Variants in DCC observed in about 807,000 individuals in gnomAD.
DCC encodes DCC netrin 1 receptor.
A neutral mutation model predicts 172.5 loss-of-function variants in DCC; 58 were observed. The ratio of observed to expected loss-of-function variants is 0.34; its 90% confidence interval spans 0.27 to 0.42. The LOEUF is 0.42. Among genes scored for constraint, DCC ranks in the 10% least tolerant of loss-of-function variants. The pLI, the probability that DCC is intolerant of heterozygous loss-of-function variation, is 1.00. For missense variants in DCC, 1,740 were observed against 1,791.0 expected, an observed-to-expected ratio of 0.97 and a Z score of 0.51; for synonymous variants, 709 against 644.5, an observed-to-expected ratio of 1.10 and a Z score of -1.52.
At chr18:52,901,901 T>C (rs2039814782) in intron 2 of DCC, among the ~76,000 whole-genome samples, 1 of 152,248 alleles carries the variant, frequency 6.6e-6, no homozygotes, top group South Asian at 2.1e-4. Flanking sequence ...CTTTTATTTA[T>C]ACACTTAACT....
chr18:52,991,580 C>T (rs2041392835), intron 5 of DCC, among the ~76,000 whole-genome samples: 1 of 152,204 alleles, frequency 6.6e-6, no homozygotes. Flanking sequence ...TCTCTCTCTA[C>T]ATGATTTCAC....
At position 52,545,175 on chromosome 18, in the gene DCC, G is replaced by C. The variant is rs147193577; in HGVS notation, c.91+204297G>C. On this transcript the variant is annotated intron_variant, in intron 1 of 28. Coordinates refer to ENST00000442544, the MANE Select transcript of DCC (RefSeq NM_005215.4). The stretch of plus-strand genomic sequence containing the variant: ...TATACCTTGGGGAAGAGTTGCTTTT[G>C]GGATTTAGTTTATCAGGATATGTGA... 3.3e-5 allele frequency among the ~76,000 whole-genome samples: 5 copies of C among 152,290 alleles called. No homozygotes were observed. The East Asian group carries it at 9.7e-4, about 29-fold the overall frequency.
chr18:53,088,469 G>A (rs538114465), intron 7 of DCC, among the ~76,000 whole-genome samples: 14 of 152,162 alleles, frequency 9.2e-5, no homozygotes, highest in Non-Finnish European at 1.9e-4. Flanking sequence ...CTGAGACTTT[G>A]CTGAAGTTGC....
chr18:52,572,287 G>A (rs1024166925), intron 1 of DCC, among the ~76,000 whole-genome samples: 12 of 152,182 alleles, frequency 7.9e-5, no homozygotes, highest in African/African-American at 2.9e-4. Context: ...GACACTGTGG[G>A]CTACAGAATC....
chr18:52,406,890 T>C (rs1405815056), intron 1 of DCC, among the ~76,000 whole-genome samples: 3 of 152,048 alleles, frequency 2.0e-5, no homozygotes, highest in East Asian at 3.9e-4. Context: ...AATAAACCCA[T>C]GTGTGAGTCT....
chr18:52,939,007 T>C lies in DCC; in HGVS notation c.985+13637T>C, dbSNP rs911053245. 3.9e-5 allele frequency among the ~76,000 whole-genome samples: 6 copies of C among 152,186 alleles called. No individual in the cohort carries two copies. The East Asian group carries it at 9.6e-4, about 24-fold the overall frequency. ...GAAGAGGTTAATCATGGGATGCACCTTCGTAGAAACTCTCAAGGGACTTCC... is the reference window on the plus strand; with the variant it reads ...GAAGAGGTTAATCATGGGATGCACCCTCGTAGAAACTCTCAAGGGACTTCC... On this transcript the variant is annotated intron_variant, in intron 5 of 28. Coordinates refer to ENST00000442544, the MANE Select transcript of DCC (RefSeq NM_005215.4).
chr18:53,296,588 C>T (rs540769770), intron 12 of DCC, among the ~76,000 whole-genome samples: 2 of 152,164 alleles, frequency 1.3e-5, no homozygotes, highest in South Asian at 4.1e-4. Context: ...TTAGCTATGG[C>T]AATATTCTGG....
At chr18:53,137,981 A>G (rs1200184841) in intron 7 of DCC, among the ~76,000 whole-genome samples, 1 of 146,690 alleles carries the variant, frequency 6.8e-6, no homozygotes, top group Admixed American at 6.7e-5. Flanking sequence ...ATGCCCTGCT[A>G]ACTGTTTTTT....
intron 1 of DCC, among the ~76,000 whole-genome samples, chr18:52,569,297 A>C (rs1335769159): frequency 6.6e-6 from 1 of 152,212 alleles, no homozygotes; most frequent in Non-Finnish European, 1.5e-5. Context: ...ATTTGCACAA[A>C]TTATTCAACT....
At chr18:52,971,380 A>G (rs1411331320) in intron 5 of DCC, among the ~76,000 whole-genome samples, 3 of 152,082 alleles carry the variant, frequency 2.0e-5, no homozygotes, top group African/African-American at 4.8e-5. Context: ...ATAATTCCCT[A>G]TGACTCTAGT....
chr18:52,903,386 TTGTAGCGACAGCGTTTCATCA>T (rs907944854), intron 2 of DCC, among the ~76,000 whole-genome samples: 6 of 152,216 alleles, frequency 3.9e-5, no homozygotes, highest in Admixed American at 3.9e-4. Context: ...TAAAAATTTC[TTGTAGCGACAGCGTTTCATCA>T]TGTTGCCCAG....
intron 1 of DCC, among the ~76,000 whole-genome samples, chr18:52,494,263 G>GAT (rs1247921134): frequency 1.6e-5 from 1 of 61,614 alleles, no homozygotes; most frequent in Non-Finnish European, 3.4e-5. Flanking sequence ...TATGGTTTGT[G>GAT]ATGTGTGTGT....
intron 15 of DCC, among the ~76,000 whole-genome samples, chr18:53,364,734 A>G (rs1354696293): frequency 1.3e-5 from 2 of 152,106 alleles, no homozygotes; most frequent in African/African-American, 4.8e-5. Context: ...ATTCTTATTT[A>G]TCCCCTGGCT....
intron 1 of DCC, among the ~76,000 whole-genome samples, chr18:52,661,874 T>G (rs1361840665): frequency 6.6e-6 from 1 of 152,164 alleles, no homozygotes; most frequent in South Asian, 2.1e-4. Flanking sequence ...AGCAATCATA[T>G]AGTAAGAACA....
chr18:53,198,869 T>C lies in DCC; in HGVS notation c.1574-6347T>C, dbSNP rs963205113. Among the ~76,000 whole-genome samples, 4 of 152,078 alleles carry C rather than the reference T, an allele frequency of 2.6e-5. No homozygotes were observed. The East Asian group carries it at 5.8e-4, about 22-fold the overall frequency. The stretch of plus-strand genomic sequence containing the variant: ...AAGAAATAGGTAACTTGAATGGAGA[T>C]GGGGAGAAATTAGAAGCAGTTTGCC... On this transcript the variant is annotated intron_variant, in intron 9 of 28. Transcript: ENST00000442544.
At chr18:53,364,041 G>A (rs894329133) in intron 15 of DCC, among the ~76,000 whole-genome samples, 8 of 152,186 alleles carry the variant, frequency 5.3e-5, no homozygotes, top group African/African-American at 1.9e-4. Flanking sequence ...TGTGTTTGGA[G>A]TTTAATGCCA....
chr18:53,466,794 G>T (rs1599182144), intron 24 of DCC, among the ~76,000 whole-genome samples: 1 of 152,264 alleles, frequency 6.6e-6, no homozygotes, highest in African/African-American at 2.4e-5. Flanking sequence ...CCAAAGTGCT[G>T]GGATTACAGG....
intron 13 of DCC, among the ~76,000 whole-genome samples, chr18:53,320,787 C>T (rs2057402439): frequency 1.3e-5 from 2 of 151,960 alleles, no homozygotes; most frequent in South Asian, 4.2e-4. Context: ...ATTGTGGGCC[C>T]TATGAATATG....
At chr18:53,090,736 A>AAAAAAAAAAAAAAAAAAAAATT (rs1568298524) in intron 7 of DCC, among the ~76,000 whole-genome samples, 1 of 129,524 alleles carries the variant, frequency 7.7e-6, no homozygotes. Flanking sequence ...AAAAAAAAAG[A>AAAAAAAAAAAAAAAAAAAAATT]ATGTATCGTG....
Sources: allele counts gnomAD v4.1 joint callset (sites outside exome capture counted in the v4.1 genomes callset), GRCh38; gene constraint gnomAD v4.1.1; transcripts MANE v1.5; gene names NCBI Gene and HGNC (gene_info 2026-07-23, HGNC 2026-07-21).